LAMTOR1: variants seen among roughly 807,000 people sequenced by gnomAD.
LAMTOR1 encodes ragulator complex protein LAMTOR1.
In LAMTOR1, 8 loss-of-function variants were observed where a neutral mutation model predicts 20.5. That is an observed-to-expected ratio of 0.39 (90% CI 0.23 to 0.70). The LOEUF (loss-of-function observed/expected upper bound fraction) is 0.70, where lower values mean the gene tolerates loss of function less well. Among genes scored for constraint, LAMTOR1 ranks in the 30% least tolerant of loss-of-function variants. The pLI, the probability that LAMTOR1 is intolerant of heterozygous loss-of-function variation, is 0.43. For missense variants in LAMTOR1, 135 were observed against 206.2 expected (o/e 0.65, Z 2.11); for synonymous variants, 77 against 80.9 (o/e 0.95, Z 0.26).
intron 1 of LAMTOR1, among the ~76,000 whole-genome samples, chr11:72,101,738 C>T (rs1272117000): frequency 2.6e-5 from 4 of 152,138 alleles, no homozygotes; most frequent in African/African-American, 9.7e-5. Context: ...AGTGATTAAG[C>T]ACCTTCTCTG....
At chr11:72,098,502 A>C in intron 3 of LAMTOR1, 87 bp from the exon 4 acceptor site, 1 of 1,474,398 alleles carries the variant, frequency 6.8e-7, no homozygotes, top group Non-Finnish European at 9.2e-7. Flanking sequence ...CTCAGGCCAG[A>C]GAAGCAGGGT....
chr11:72,097,551 C>T lies in LAMTOR1; in HGVS notation c.*271G>A, dbSNP rs1945270452. On this transcript the variant is annotated 3_prime_UTR_variant, in exon 5 of 5. Transcript: ENST00000278671. ...GATCACCCCCCACCCAAACTGGTAT[C>T]TCCACATTCTCAATGACTATGAAGA... 7 of 1,239,634 alleles carry T rather than the reference C, an allele frequency of 5.6e-6. No homozygotes were observed. Among genetic ancestry groups the T allele is most frequent in the Non-Finnish European group, 7.1e-6 (7 of 980,942 alleles). 76.8% of individuals were successfully genotyped at this position (1,239,634 alleles called of 1,614,324 possible).
rs1363310226 is a variant in LAMTOR1 at position 72,097,564 on chromosome 11, A to G, written c.*258T>C. 3.9e-6 allele frequency: 5 copies of G among 1,271,434 alleles called. No individual in the cohort carries two copies. Among genetic ancestry groups the G allele is most frequent in the Non-Finnish European group, 5.0e-6 (5 of 1,000,458 alleles). 78.8% of individuals were successfully genotyped at this position (1,271,434 alleles called of 1,614,324 possible). A position where few individuals can be genotyped will look rare whatever the true frequency, so the allele number is the denominator to read the frequency against. Reference sequence around the variant, plus strand: ...CCAAACTGGTATCTCCACATTCTCAATGACTATGAAGACATACCAGGCTCT... The same window carrying G: ...CCAAACTGGTATCTCCACATTCTCAGTGACTATGAAGACATACCAGGCTCT... On this transcript the variant is annotated 3_prime_UTR_variant, in exon 5 of 5. Transcript: ENST00000278671.
Position 72,097,581 on chromosome 11 carries a change from C to A in LAMTOR1, c.*241G>T. 1.5e-6 allele frequency: 2 copies of A among 1,334,800 alleles called. No homozygotes were observed. The highest frequency in any genetic ancestry group is 3.1e-5 in the East Asian group (1 of 32,318). The allele number at this position is 1,334,800 out of a possible 1,614,324, so 82.7% of individuals were successfully genotyped here. On this transcript the variant is annotated 3_prime_UTR_variant, in exon 5 of 5. Transcript: ENST00000278671. ...CATTCTCAATGACTATGAAGACATA[C>A]CAGGCTCTGTCCTTTTGGCCCCCAC... is the stretch of plus-strand genomic sequence containing the variant.
rs1945310164 is a variant in LAMTOR1 at position 72,098,354 on chromosome 11, A to T, written c.328T>A (p.Ser110Thr). 1 of 1,612,944 alleles carries T rather than the reference A, an allele frequency of 6.2e-7. No individual in the cohort carries two copies. Among genetic ancestry groups the T allele is most frequent in the African/African-American group, 1.3e-5 (1 of 74,862 alleles). ...ACTTGGTGGGGCTGGCTGGTAAGAG[A>T]CGGCAGCGGTGGCAGCTTCTTCCAA... ...THWKKLPPLP[S>T]LTSQPHQVLA... The change falls in exon 4 of 5, where the codon TCT becomes ACT. Residue 110 changes from serine to threonine, a missense_variant. Transcript: ENST00000278671.
At chr11:72,100,174 A>G (rs1945388568) in intron 1 of LAMTOR1, among the ~76,000 whole-genome samples, 2 of 152,078 alleles carry the variant, frequency 1.3e-5, no homozygotes, top group African/African-American at 4.8e-5. Flanking sequence ...AAGTGCAACG[A>G]CTGTATGAAC....
In LAMTOR1 at chr11:72,097,295, A is replaced by G; in HGVS notation, c.*527T>C. On this transcript the variant is annotated 3_prime_UTR_variant, in exon 5 of 5. Transcript: ENST00000278671. ...CAGAGGGGCCAGAACCAGCACATGG[A>G]TGAATATACTTCCTTTATCGAGGGT... The G allele has an allele frequency of 1.0e-6, 1 of 995,058 alleles. No homozygotes were observed. The highest frequency in any genetic ancestry group is 1.2e-6 in the Non-Finnish European group (1 of 834,946). The allele number at this position is 995,058 out of a possible 1,614,324, so 61.6% of individuals were successfully genotyped here.
At position 72,097,418 on chromosome 11, in the gene LAMTOR1, C is replaced by T. The variant is rs1945264572; in HGVS notation, c.*404G>A. ...AATTCAAGCTCATCCAGACCCTGGT[C>T]ACAAACCCTAGTGAGGTGCATGTGA... On this transcript the variant is annotated 3_prime_UTR_variant, in exon 5 of 5. Transcript: ENST00000278671. The T allele has an allele frequency of 2.0e-6, 2 of 1,010,834 alleles. No individual in the cohort carries two copies. Among genetic ancestry groups the T allele is most frequent in the African/African-American group, 3.4e-5 (2 of 58,064 alleles). The allele number at this position is 1,010,834 out of a possible 1,614,324, so 62.6% of individuals were successfully genotyped here.
rs780770540 is a variant in LAMTOR1 at position 72,098,225 on chromosome 11, A to C, written c.393+64T>G. 5.0e-6 allele frequency: 8 copies of C among 1,593,288 alleles called. No individual in the cohort carries two copies. The East Asian group carries it at 1.8e-4, about 36-fold the overall frequency. ...TACCTCCTCTGAGGCAGAGTGGGTG[A>C]ACCCTCTGCCATACCCTGGGCAGTG... On this transcript the variant is annotated intron_variant, in intron 4 of 4. Coordinates refer to ENST00000278671, the MANE Select transcript of LAMTOR1 (RefSeq NM_017907.3).
rs904665545 is a variant in LAMTOR1 at position 72,097,312 on chromosome 11, A to G, written c.*510T>C. The G allele has an allele frequency of 6.4e-5, 64 of 994,946 alleles. No individual in the cohort carries two copies. The highest frequency in any genetic ancestry group is 7.5e-5 in the Non-Finnish European group (63 of 834,884). 61.6% of individuals were successfully genotyped at this position (994,946 alleles called of 1,614,324 possible). Reference sequence around the variant, plus strand: ...GCACATGGATGAATATACTTCCTTTATCGAGGGTGACAAACCAAAACAAAA... The same window carrying G: ...GCACATGGATGAATATACTTCCTTTGTCGAGGGTGACAAACCAAAACAAAA... On this transcript the variant is annotated 3_prime_UTR_variant, in exon 5 of 5. Transcript: ENST00000278671.
In LAMTOR1 at chr11:72,099,143, G is replaced by A. The variant is rs1468959655; in HGVS notation, c.156C>T (p.Ala52=). Residue 52 remains alanine, a synonymous_variant, in exon 2 of 5, where the codon GCC becomes GCT. Coordinates refer to ENST00000278671, the MANE Select transcript of LAMTOR1 (RefSeq NM_017907.3). ...SLPSARTDEQ[A]LLSSILAKTA... is the part of the protein sequence containing the mutation. ...TCTTGGCAAGGATGGAAGAGAGCAG[G>A]GCCTGCTCATCAGTGCGAGCGGAAG... 1.4e-5 allele frequency: 23 copies of A among 1,613,866 alleles called. No individual in the cohort carries two copies. The highest frequency in any genetic ancestry group is 1.9e-5 in the Non-Finnish European group (22 of 1,179,982).
intron 3 of LAMTOR1, 90 bp downstream of exon 3, chr11:72,098,691 T>A: frequency 9.9e-7 from 1 of 1,005,358 alleles, no homozygotes; most frequent in Admixed American, 2.7e-5. Flanking sequence ...AATGAGAAGC[T>A]TGGACTAGGG....
intron 1 of LAMTOR1, among the ~76,000 whole-genome samples, chr11:72,102,051 A>G (rs1945462059): frequency 6.6e-6 from 1 of 152,202 alleles, no homozygotes; most frequent in Non-Finnish European, 1.5e-5. Flanking sequence ...CATTGGGTGT[A>G]TGGAGAATTG....
intron 1 of LAMTOR1, among the ~76,000 whole-genome samples, chr11:72,102,802 G>A (rs1269505833): frequency 6.6e-6 from 1 of 152,210 alleles, no homozygotes; most frequent in Admixed American, 6.5e-5. Flanking sequence ...CAGGGCCTCA[G>A]CTTACCCACC....
At chr11:72,098,436 G>T in intron 3 of LAMTOR1, 21 bp from the exon 4 acceptor site, 1 of 1,602,752 alleles carries the variant, frequency 6.2e-7, no homozygotes, top group Non-Finnish European at 8.5e-7. Flanking sequence ...GAGAGGGGGT[G>T]GGGGTAGGCA....
rs1340903533 is a variant in LAMTOR1 at position 72,099,096 on chromosome 11, T to C, written c.188+15A>G. On this transcript the variant is annotated intron_variant, in intron 2 of 4. Coordinates refer to ENST00000278671, the MANE Select transcript of LAMTOR1 (RefSeq NM_017907.3). ...TAGAGGAGCTCTGACCCAGGCCTGG[T>C]CCTCTGACACTTACCTGGCTGTCTT... is the stretch of plus-strand genomic sequence containing the variant. 1.9e-6 allele frequency: 3 copies of C among 1,610,526 alleles called. No individual in the cohort carries two copies. Among genetic ancestry groups the C allele is most frequent in the African/African-American group, 1.3e-5 (1 of 74,908 alleles).
At chr11:72,101,434 C>T (rs144362628) in intron 1 of LAMTOR1, among the ~76,000 whole-genome samples, 40 of 152,312 alleles carry the variant, frequency 2.6e-4, no homozygotes, top group Admixed American at 5.9e-4. Context: ...CATGGCCTAG[C>T]GTCAGAACAC....
chr11:72,101,538 G>A lies in LAMTOR1; in HGVS notation c.42+1645C>T, dbSNP rs529587483. Among the ~76,000 whole-genome samples the A allele has an allele frequency of 3.9e-4, 60 of 152,310 alleles. 1 individual carries two copies. The highest frequency in any genetic ancestry group is 2.5e-4 in the Non-Finnish European group (17 of 68,034). On this transcript the variant is annotated intron_variant, in intron 1 of 4. Transcript: ENST00000278671. ...TAGACATAACCCACACTAATATGAC[G>A]GATGTCTGGCAAGAGTCAAATTAGA...
Position 72,097,637 on chromosome 11 carries a change from T to C in LAMTOR1, c.*185A>G, listed in dbSNP as rs576867568. ...CCCTGGCCAGAGCTTCAAAGGCCAG[T>C]CCCAAAAGGTTCTACCCTCACTTGC... On this transcript the variant is annotated 3_prime_UTR_variant, in exon 5 of 5. Coordinates refer to ENST00000278671, the MANE Select transcript of LAMTOR1 (RefSeq NM_017907.3). 4.2e-6 allele frequency: 6 copies of C among 1,421,968 alleles called. No individual in the cohort carries two copies. In the South Asian group the frequency reaches 7.4e-5, roughly 18 times the overall value. The allele number at this position is 1,421,968 out of a possible 1,614,324, so 88.1% of individuals were successfully genotyped here.
Sources: gnomAD v4.1 joint callset for allele counts (sites outside exome capture counted in the v4.1 genomes callset) on GRCh38, gnomAD v4.1.1 for gene constraint, MANE v1.5 for transcripts, NCBI Gene and HGNC (gene_info 2026-07-23, HGNC 2026-07-21) for gene names.